The following SGCD variants were observed in gnomAD, a reference collection of about 807,000 sequenced individuals.
SGCD encodes the protein delta-sarcoglycan.
SGCD carries 18 observed loss-of-function variants against 36.6 expected under a neutral mutation model. The observed-to-expected ratio is 0.49, with a 90% CI of 0.34 to 0.73. SGCD has a LOEUF of 0.73. Ranked by LOEUF, SGCD falls within the 30% of genes least tolerant of loss-of-function variation. The pLI is 0.01. For missense variants in SGCD, 387 were observed against 346.7 expected, an observed-to-expected ratio of 1.12 and a Z score of -0.92; for synonymous variants, 133 against 130.6, an observed-to-expected ratio of 1.02 and a Z score of -0.12.
intron 3 of SGCD, among the ~76,000 whole-genome samples, chr5:156,355,974 A>G (rs969013946): frequency 1.2e-4 from 18 of 152,216 alleles, no homozygotes; most frequent in African/African-American, 3.9e-4. Flanking sequence ...TTTTTCTTCT[A>G]GAAGTGTGAG....
rs78446756 is a variant in SGCD, at chr5:156,707,208, G to A, written c.576-50373G>A. 6.9e-3 allele frequency among the ~76,000 whole-genome samples: 1,047 copies of A among 152,120 alleles called. 14 individuals carry two copies. The highest frequency in any genetic ancestry group is 0.046 in the East Asian group (239 of 5,186). On this transcript the variant is annotated intron_variant, in intron 7 of 8. Coordinates refer to ENST00000337851, the MANE Select transcript of SGCD (RefSeq NM_000337.6). ...ATATAAATTAATATTTGTTTTCATT[G>A]GCCTTTCCATCTATTCCTGTCTGTA... is the stretch of plus-strand genomic sequence containing the variant.
chr5:156,205,476 G>T (rs754262011), intron 3 of SGCD, among the ~76,000 whole-genome samples: 11 of 152,092 alleles, frequency 7.2e-5, no homozygotes, highest in Non-Finnish European at 1.3e-4. Flanking sequence ...TGCAGATTTT[G>T]AAAGACAATC....
chr5:156,291,732 T>C (rs1766761809), intron 3 of SGCD, among the ~76,000 whole-genome samples: 1 of 152,108 alleles, frequency 6.6e-6, no homozygotes, highest in African/African-American at 2.4e-5. Context: ...TTATATACTA[T>C]TATTATTATC....
chr5:156,495,043 C>CT (rs773603324), intron 3 of SGCD, among the ~76,000 whole-genome samples: 18 of 152,230 alleles, frequency 1.2e-4, no homozygotes, highest in Admixed American at 2.0e-4. Flanking sequence ...AAAGTCATGT[C>CT]TTTTTTCACT....
At chr5:156,068,033 A>C (rs1760386961) in intron 1 of SGCD, among the ~76,000 whole-genome samples, 1 of 151,646 alleles carries the variant, frequency 6.6e-6, no homozygotes, top group Non-Finnish European at 1.5e-5. Context: ...GTAACTGACC[A>C]ACAGTCTTCA....
chr5:155,938,980 A>G (rs1757270801), intron 1 of SGCD, among the ~76,000 whole-genome samples: 1 of 152,200 alleles, frequency 6.6e-6, no homozygotes, highest in Non-Finnish European at 1.5e-5. Flanking sequence ...GTGAAGCTGC[A>G]CTAATAGCCA....
chr5:156,456,790 G>A (rs1211839067), intron 3 of SGCD, among the ~76,000 whole-genome samples: 1 of 152,188 alleles, frequency 6.6e-6, no homozygotes, highest in Non-Finnish European at 1.5e-5. Context: ...GCCACAAGTT[G>A]TAGGTATTTT....
chr5:156,540,295 T>A (rs1272384780), intron 4 of SGCD, among the ~76,000 whole-genome samples: 2 of 152,168 alleles, frequency 1.3e-5, no homozygotes, highest in African/African-American at 2.4e-5. Context: ...AAGCTATTAT[T>A]ATTTGTCACT....
At chr5:156,729,953 C>T (rs1755972022) in intron 7 of SGCD, among the ~76,000 whole-genome samples, 1 of 152,148 alleles carries the variant, frequency 6.6e-6, no homozygotes, top group South Asian at 2.1e-4. Context: ...TGACAGGGAA[C>T]CACCTGAAAT....
chr5:156,652,889 G>A lies in SGCD; in HGVS notation c.575+5353G>A, dbSNP rs150343205. On this transcript the variant is annotated intron_variant, in intron 7 of 8. Transcript: ENST00000337851. ...TGTTTTTCATTCTGTTTATACGATG[G>A]ATCACATTTATTGATTTGCATATGT... 6.9e-3 allele frequency among the ~76,000 whole-genome samples: 1,050 copies of A among 152,100 alleles called. 6 individuals carry two copies. The highest frequency in any genetic ancestry group is 0.01 in the Non-Finnish European group (710 of 67,952).
the SGCD span, among the ~76,000 whole-genome samples, chr5:155,798,491 TGTCA>T: frequency 2.0e-5 from 3 of 152,234 alleles, no homozygotes; most frequent in Non-Finnish European, 4.4e-5. Context: ...TGAATTTTAA[TGTCA>T]GTCTTTTAAA....
chr5:155,924,709 A>G (rs1756960726), intron 1 of SGCD, among the ~76,000 whole-genome samples: 1 of 152,208 alleles, frequency 6.6e-6, no homozygotes, highest in Non-Finnish European at 1.5e-5. Flanking sequence ...GTCCTTAGGT[A>G]AAAGGAGGAG....
the SGCD span, among the ~76,000 whole-genome samples, chr5:155,844,485 A>G: frequency 3.3e-5 from 5 of 150,490 alleles, no homozygotes; most frequent in Non-Finnish European, 5.9e-5. Flanking sequence ...TCACGTTACA[A>G]GAAAGTGGTG....
At chr5:156,607,245 T>C (rs1326925469) in intron 6 of SGCD, among the ~76,000 whole-genome samples, 1 of 152,226 alleles carries the variant, frequency 6.6e-6, no homozygotes, top group Non-Finnish European at 1.5e-5. Flanking sequence ...ATTGAGAGTT[T>C]TTAGCATGAA....
chr5:155,947,350 T>G (rs980461681), intron 1 of SGCD, among the ~76,000 whole-genome samples: 15 of 127,440 alleles, frequency 1.2e-4, no homozygotes, highest in African/African-American at 6.7e-4. Context: ...ATGTTTTGGT[T>G]TTTTTTTTAT....
intron 7 of SGCD, among the ~76,000 whole-genome samples, chr5:156,656,535 C>A (rs745508173): frequency 6.6e-6 from 1 of 152,120 alleles, no homozygotes; most frequent in Admixed American, 6.5e-5. Flanking sequence ...AACAGCCCAA[C>A]ATATTTCTGT....
chr5:156,604,673 A>C (rs1181990635), intron 6 of SGCD, among the ~76,000 whole-genome samples: 6 of 144,416 alleles, frequency 4.2e-5, no homozygotes, highest in Non-Finnish European at 9.0e-5. Context: ...CATATATTTA[A>C]ATTAGTATAT....
intron 4 of SGCD, among the ~76,000 whole-genome samples, chr5:156,580,771 T>C (rs1190125647): frequency 6.6e-6 from 1 of 152,220 alleles, no homozygotes; most frequent in Non-Finnish European, 1.5e-5. Context: ...AGCTCTTCTC[T>C]ACACTATTTA....
intron 3 of SGCD, among the ~76,000 whole-genome samples, chr5:156,388,998 GTACAA>G (rs991506683): frequency 1.6e-4 from 24 of 152,230 alleles, no homozygotes; most frequent in African/African-American, 5.8e-4. Flanking sequence ...CAAGGGGAAG[GTACAA>G]TACAATTCTT....
Sources: allele counts gnomAD v4.1 joint callset (sites outside exome capture counted in the v4.1 genomes callset), GRCh38; gene constraint gnomAD v4.1.1; transcripts MANE v1.5; gene names NCBI Gene and HGNC (gene_info 2026-07-23, HGNC 2026-07-21).